Variants in PPFIA2 observed in about 807,000 individuals in gnomAD.
PPFIA2 encodes PPFI scaffold protein A2, also known as liprin-alpha-2.
In PPFIA2, 46 loss-of-function variants were observed where a neutral mutation model predicts 175.5. The observed-to-expected ratio is 0.26, with a 90% CI of 0.21 to 0.34. PPFIA2 has a LOEUF of 0.34. Ranked by LOEUF, PPFIA2 falls within the 10% of genes least tolerant of loss-of-function variation. The pLI is 1.00. For synonymous variants in PPFIA2, 568 were observed against 511.4 expected, an observed-to-expected ratio of 1.11 and a Z score of -1.49; for missense variants, 1,179 against 1,506.1, an observed-to-expected ratio of 0.78 and a Z score of 3.60.
At position 81,347,664 on chromosome 12, in the gene PPFIA2, C is replaced by T; in HGVS notation, c.2101G>A (p.Gly701Ser). 6.2e-7 allele frequency: 1 copy of T among 1,613,870 alleles called. No homozygotes were observed. The highest frequency in any genetic ancestry group is 8.5e-7 in the Non-Finnish European group (1 of 1,179,814). ...EGLNLARVHP[G>S]TSITASVTAS... ...GTAACAGAGGCAGTAATGGAGGTAC[C>T]TGGGTGGACCCTTGCCAAATTCAGG... Residue 701 changes from glycine (G) to serine (S), a missense_variant, in exon 18 of 33, where the codon GGT (glycine) becomes AGT (serine). Around this residue, in one of 10 missense-constraint regions of PPFIA2, gnomAD observed 223 missense variants for 241.6 expected, o/e 0.92. Transcript: ENST00000549396.
intron 7 of PPFIA2, among the ~76,000 whole-genome samples, chr12:81,408,384 A>T (rs1288606091): frequency 2.6e-5 from 4 of 152,200 alleles, no homozygotes; most frequent in Non-Finnish European, 5.9e-5. Flanking sequence ...GTACCAGGCC[A>T]TTTAAAAATT....
At chr12:81,689,679 C>T (rs547691883) in intron 3 of PPFIA2, among the ~76,000 whole-genome samples, 76 of 152,144 alleles carry the variant, frequency 5.0e-4, no homozygotes, top group Non-Finnish European at 8.1e-4. Context: ...CAAAATACAA[C>T]TAAAATAAAG....
Position 81,754,073 on chromosome 12 carries a change from C to A in PPFIA2, c.149G>T (p.Arg50Leu). The A allele has an allele frequency of 1.2e-6, 2 of 1,613,724 alleles. No homozygotes were observed. The highest frequency in any genetic ancestry group is 1.7e-6 in the Non-Finnish European group (2 of 1,179,844). Reference protein sequence around the residue: ...DERDRLLDTLRETQESLSLAQ... With the variant: ...DERDRLLDTLLETQESLSLAQ... ...AAGTGAGAGGCTTTCCTGGGTCTCC[C>A]GAAGGGTGTCTAGAAGACGATCCCT... The change falls in exon 3 of 33, where the codon CGG becomes CTG. Residue 50 changes from arginine (R) to leucine (L), a missense_variant. Physicochemically the swap from Arg to Leu is moderately radical, Grantham distance 102 (BLOSUM62 -2). Around this residue, in one of 10 missense-constraint regions of PPFIA2, gnomAD observed 128 missense variants for 141.4 expected, o/e 0.91. Transcript: ENST00000549396.
intron 4 of PPFIA2, among the ~76,000 whole-genome samples, chr12:81,567,934 C>G (rs117701609): frequency 6.6e-6 from 1 of 152,194 alleles, no homozygotes; most frequent in East Asian, 1.9e-4. Flanking sequence ...TCAGAGCTTT[C>G]AACTGGTGTT....
At chr12:81,300,010 G>C (rs993313206) in intron 22 of PPFIA2, among the ~76,000 whole-genome samples, 1 of 152,130 alleles carries the variant, frequency 6.6e-6, no homozygotes, top group Non-Finnish European at 1.5e-5. Context: ...TGGTACACTT[G>C]CTTTTATCTA....
chr12:81,284,170 A>T, intron 25 of PPFIA2, 71 bp downstream of exon 25: 1 of 1,173,136 alleles, frequency 8.5e-7, no homozygotes, highest in Non-Finnish European at 1.3e-6. Context: ...TATTGTAAAC[A>T]GATTAGTTTC....
chr12:81,384,639 C>T (rs894220929), intron 8 of PPFIA2, among the ~76,000 whole-genome samples: 11 of 151,716 alleles, frequency 7.3e-5, no homozygotes, highest in Non-Finnish European at 1.6e-4. Context: ...GGGTAAGGAC[C>T]TATAAGGTGT....
Position 81,382,006 on chromosome 12 carries a change from G to T in PPFIA2, c.984+2017C>A, listed in dbSNP as rs184158393. Among the ~76,000 whole-genome samples, 81 of 152,180 alleles carry T rather than the reference G, an allele frequency of 5.3e-4. 1 individual carries two copies. Among genetic ancestry groups the T allele is most frequent in the African/African-American group, 1.9e-3 (80 of 41,548 alleles). On this transcript the variant is annotated intron_variant, in intron 9 of 32. Coordinates refer to ENST00000549396, the MANE Select transcript of PPFIA2 (RefSeq NM_003625.5). ...AACCCTAGCTCTTATAGATGTTTAC[G>T]AATAGTTGGGGTGGGAGGCATATGA...
chr12:81,663,327 C>A (rs1019577200), intron 4 of PPFIA2, among the ~76,000 whole-genome samples: 2 of 152,166 alleles, frequency 1.3e-5, no homozygotes, highest in Non-Finnish European at 2.9e-5. Flanking sequence ...AGCTGATAAG[C>A]AACTTCAGCA....
intron 4 of PPFIA2, among the ~76,000 whole-genome samples, chr12:81,592,418 G>A (rs1039795728): frequency 1.3e-5 from 2 of 152,072 alleles, no homozygotes; most frequent in African/African-American, 4.8e-5. Context: ...ATGGGTCTGG[G>A]ATGGAAAAAT....
At position 81,754,140 on chromosome 12, in the gene PPFIA2, C is replaced by G; in HGVS notation, c.82G>C (p.Asp28His). The stretch of plus-strand genomic sequence containing the variant: ...ACCATCAGCTGCTCAAAATGGGAGT[C>G]TGAGTCCGAGCCACTGCTTTGGGAC... Reference protein sequence around the residue: ...RGSQSSGSDSDSHFEQLMVNM... With the variant: ...RGSQSSGSDSHSHFEQLMVNM... Residue 28 changes from aspartate (D) to histidine (H), a missense_variant, in exon 3 of 33, where the codon GAC becomes CAC. By Grantham distance (81) the Asp-to-His change is moderately conservative (BLOSUM62 -1). Coordinates refer to ENST00000549396, the MANE Select transcript of PPFIA2 (RefSeq NM_003625.5). 1 of 1,613,516 alleles carries G rather than the reference C, an allele frequency of 6.2e-7. No individual in the cohort carries two copies.
intron 11 of PPFIA2, among the ~76,000 whole-genome samples, chr12:81,370,676 T>A (rs1002402788): frequency 6.6e-6 from 1 of 151,850 alleles, no homozygotes; most frequent in Non-Finnish European, 1.5e-5. Flanking sequence ...CAAGGTTAGA[T>A]ACATGTCTTG....
intron 4 of PPFIA2, among the ~76,000 whole-genome samples, chr12:81,547,121 T>C (rs571242216): frequency 2.0e-5 from 3 of 152,290 alleles, no homozygotes; most frequent in South Asian, 2.1e-4. Flanking sequence ...ACTGCATTTA[T>C]CTTTTATGGA....
intron 28 of PPFIA2, among the ~76,000 whole-genome samples, chr12:81,276,370 C>T (rs2136679369): frequency 6.6e-6 from 1 of 152,252 alleles, no homozygotes; most frequent in Non-Finnish European, 1.5e-5. Flanking sequence ...TTCACCACCA[C>T]AAATATATCC....
chr12:81,705,186 A>ACTCCTAT (rs1459343923), intron 3 of PPFIA2, among the ~76,000 whole-genome samples: 1 of 149,186 alleles, frequency 6.7e-6, no homozygotes, highest in Non-Finnish European at 1.5e-5. Context: ...GCAGTGGCTC[A>ACTCCTAT]CTCCTATAAT....
rs1388994924 is a variant in PPFIA2 at position 81,411,866 on chromosome 12, A to T, written c.646-5963T>A. Among the ~76,000 whole-genome samples, 4 of 152,178 alleles carry T rather than the reference A, an allele frequency of 2.6e-5. No homozygotes were observed. In the East Asian group the frequency reaches 7.7e-4, roughly 29 times the overall value. The stretch of plus-strand genomic sequence containing the variant: ...TGGTGTTAACAGAAAAGAGAAAATC[A>T]AACCAAGTGAGGAATGCTGTGAGGT... On this transcript the variant is annotated intron_variant, in intron 7 of 32. Coordinates refer to ENST00000549396, the MANE Select transcript of PPFIA2 (RefSeq NM_003625.5).
intron 4 of PPFIA2, among the ~76,000 whole-genome samples, chr12:81,566,530 C>CAAAAAAAA (rs3075452): frequency 8.0e-4 from 55 of 68,412 alleles, no homozygotes; most frequent in East Asian, 3.0e-3. Flanking sequence ...GACTCCAACT[C>CAAAAAAAA]AAAAAAAAAA....
intron 3 of PPFIA2, among the ~76,000 whole-genome samples, chr12:81,696,427 C>T (rs1596481219): frequency 6.6e-6 from 1 of 152,098 alleles, no homozygotes; most frequent in Non-Finnish European, 1.5e-5. Flanking sequence ...ATAATTTCAT[C>T]AGGAAGTATT....
At chr12:81,590,612 G>T (rs1473283363) in intron 4 of PPFIA2, among the ~76,000 whole-genome samples, 1 of 152,016 alleles carries the variant, frequency 6.6e-6, no homozygotes. Context: ...CCCGGTGGGA[G>T]GTGATTGAAT....
Sources: allele counts gnomAD v4.1 joint callset (sites outside exome capture counted in the v4.1 genomes callset), GRCh38; gene constraint gnomAD v4.1.1; regional missense constraint gnomAD v4.1.1; transcripts MANE v1.5; gene names NCBI Gene and HGNC (gene_info 2026-07-23, HGNC 2026-07-21).